Variants in BRI3 observed in about 807,000 individuals in gnomAD.
BRI3 encodes the protein brain protein I3, also known as membrane protein BRI3.
A neutral mutation model predicts 12.8 loss-of-function variants in BRI3; 6 were observed. That is an observed-to-expected ratio of 0.47 (90% CI 0.26 to 0.93). BRI3 has a LOEUF of 0.93. Among genes scored for constraint, BRI3 ranks in the 40% least tolerant of loss-of-function variants. The pLI, the probability that BRI3 is intolerant of heterozygous loss-of-function variation, is 0.15. For synonymous variants in BRI3, 91 were observed against 76.1 expected (o/e 1.20, Z -1.02); for missense variants, 134 against 171.1 (o/e 0.78, Z 1.21).
chr7:98,307,402 G>C, intron 1 of BRI3: 3 of 1,242,586 alleles, frequency 2.4e-6, no homozygotes, highest in Non-Finnish European at 3.1e-6. Flanking sequence ...CACTGCACTG[G>C]CCAAATGCTA....
At position 98,299,804 on chromosome 7, in the gene BRI3, G is replaced by T. The variant is rs909060647; in HGVS notation, c.72-6679G>T. ...GCCTATATTCCCAGCACTTTGGGAG[G>T]CTGAGGCGGGAGGATCACCTGAGAT... On this transcript the variant is annotated intron_variant and NMD_transcript_variant, in intron 1 of 2. Transcript: ENST00000491463. Among the ~76,000 whole-genome samples, 13 of 152,194 alleles carry T rather than the reference G, an allele frequency of 8.5e-5. 1 individual carries two copies. Among genetic ancestry groups the T allele is most frequent in the Admixed American group, 7.9e-4 (12 of 15,282 alleles).
chr7:98,282,341 C>T lies in BRI3; in HGVS notation c.143-10C>T. 1 of 1,610,380 alleles carries T rather than the reference C, an allele frequency of 6.2e-7. No individual in the cohort carries two copies. The highest frequency in any genetic ancestry group is 8.5e-7 in the Non-Finnish European group (1 of 1,176,714). ...CCCTGCACCCTAATGACCTGCTTTCCCGCCCACAGGGATACCCACCCACCA... is the reference window on the plus strand; with the variant it reads ...CCCTGCACCCTAATGACCTGCTTTCTCGCCCACAGGGATACCCACCCACCA... On this transcript the variant is annotated splice_polypyrimidine_tract_variant and intron_variant, in intron 1 of 2. Transcript: ENST00000297290.
chr7:98,303,827 T>C (rs568706571), upstream of BRI3, among the ~76,000 whole-genome samples: 1 of 152,332 alleles, frequency 6.6e-6, no homozygotes, highest in South Asian at 2.1e-4. Context: ...CCACTTTTAA[T>C]GTAAGCCTCT....
downstream of BRI3, chr7:98,312,331 C>T: frequency 6.7e-7 from 1 of 1,491,228 alleles, no homozygotes; most frequent in Non-Finnish European, 9.0e-7. Context: ...AAAATGACAT[C>T]ACGTCATATC....
At chr7:98,287,554 G>T (rs747764258) in intron 2 of BRI3, among the ~76,000 whole-genome samples, 1 of 152,212 alleles carries the variant, frequency 6.6e-6, no homozygotes, top group African/African-American at 2.4e-5. Flanking sequence ...GGGTGGGCTG[G>T]GCTGGCGCTG....
downstream of BRI3, among the ~76,000 whole-genome samples, chr7:98,311,061 C>CAT (rs147360057): frequency 0.025 from 3,748 of 152,226 alleles, 146 homozygotes; most frequent in African/African-American, 0.086. Flanking sequence ...CCAATCTCCA[C>CAT]AGAGCCCAGG....
chr7:98,308,491 GTGC>G (rs1290930577), exon 2 of BRI3: 7 of 363,766 alleles, frequency 1.9e-5, no homozygotes, highest in Non-Finnish European at 3.8e-5. Flanking sequence ...CAGGAGGAAG[GTGC>G]TGCTATTTAT....
intron 2 of BRI3, among the ~76,000 whole-genome samples, chr7:98,288,309 T>C (rs1799780276): frequency 6.6e-6 from 1 of 152,074 alleles, no homozygotes; most frequent in South Asian, 2.1e-4. Flanking sequence ...CCACCTCGAC[T>C]GTGTGGTCTT....
chr7:98,300,190 A>C lies in BRI3; in HGVS notation c.72-6293A>C, dbSNP rs1800362754. Reference sequence around the variant, plus strand: ...CATCTGTGCTGCTCGTCTCTGACACACACATGCTTGATCCATGATCCCTGC... The same window carrying C: ...CATCTGTGCTGCTCGTCTCTGACACCCACATGCTTGATCCATGATCCCTGC... On this transcript the variant is annotated intron_variant and NMD_transcript_variant, in intron 1 of 2. Coordinates refer to the BRI3 transcript ENST00000491463. Among the ~76,000 whole-genome samples, 3 of 152,158 alleles carry C rather than the reference A, an allele frequency of 2.0e-5. No individual in the cohort carries two copies. In the South Asian group the frequency reaches 6.2e-4, roughly 32 times the overall value.
At chr7:98,311,526 G>C (rs1158234158), downstream of BRI3, among the ~76,000 whole-genome samples, 1 of 151,602 alleles carries the variant, frequency 6.6e-6, no homozygotes, top group Non-Finnish European at 1.5e-5. Flanking sequence ...GAGTGACAGA[G>C]CAAGACTGTG....
chr7:98,285,573 G>A (rs995428742), intron 2 of BRI3, among the ~76,000 whole-genome samples: 3 of 152,192 alleles, frequency 2.0e-5, no homozygotes, highest in African/African-American at 4.8e-5. Context: ...GCAGACCTCG[G>A]TGCCCAAGTG....
downstream of BRI3, among the ~76,000 whole-genome samples, chr7:98,296,412 G>A (rs1321273569): frequency 2.6e-5 from 4 of 152,314 alleles, no homozygotes; most frequent in East Asian, 7.7e-4. Context: ...CATCACCTGA[G>A]GTCGGGAGTT....
At chr7:98,290,808 T>C (rs1025092663) in intron 2 of BRI3, among the ~76,000 whole-genome samples, 1 of 152,282 alleles carries the variant, frequency 6.6e-6, no homozygotes, top group Non-Finnish European at 1.5e-5. Context: ...GCCTTGCCTT[T>C]CAAGGTTAAC....
At chr7:98,297,058 CCAA>C (rs947546685), downstream of BRI3, among the ~76,000 whole-genome samples, 9 of 152,228 alleles carry the variant, frequency 5.9e-5, no homozygotes, top group Non-Finnish European at 1.0e-4. Context: ...TCCTGTGTCC[CCAA>C]CAAGACAGGA....
chr7:98,303,058 T>C (rs1800492792), upstream of BRI3, among the ~76,000 whole-genome samples: 1 of 152,200 alleles, frequency 6.6e-6, no homozygotes, highest in South Asian at 2.1e-4. Context: ...GTGTTGGAAT[T>C]ACACAGACAT....
At chr7:98,320,572 G>C in the BRI3 span, among the ~76,000 whole-genome samples, 1 of 152,148 alleles carries the variant, frequency 6.6e-6, no homozygotes, top group East Asian at 1.9e-4. Flanking sequence ...CTAACCTCAG[G>C]TGATCAACTG....
At chr7:98,290,336 C>T (rs559642455) in intron 2 of BRI3, among the ~76,000 whole-genome samples, 1 of 151,942 alleles carries the variant, frequency 6.6e-6, no homozygotes, top group Non-Finnish European at 1.5e-5. Context: ...GCTGGGACTA[C>T]AGGCGCCCGC....
chr7:98,304,883 G>C (rs1042034780), upstream of BRI3, among the ~76,000 whole-genome samples: 1 of 82,198 alleles, frequency 1.2e-5, no homozygotes, highest in African/African-American at 3.9e-5. Flanking sequence ...TTTTTTTTTT[G>C]AGATGGGGTT....
In BRI3 at chr7:98,291,154, C is replaced by T. The variant is rs11539230; in HGVS notation, c.289C>T (p.Leu97=). ...CTGCTTCACCTTCCTGGGCATCTTC[C>T]TGGCCATCATCCTCTTCCCCTTTGG... ...EDCFTFLGIF[L]AIILFPFGFI... is the part of the protein sequence containing the mutation. Residue 97 remains leucine, a synonymous_variant, in exon 3 of 3, where the codon CTG becomes TTG. Coordinates refer to ENST00000297290, the MANE Select transcript of BRI3 (RefSeq NM_015379.5). 2 of 1,614,174 alleles carry T rather than the reference C, an allele frequency of 1.2e-6. No individual in the cohort carries two copies. The highest frequency in any genetic ancestry group is 1.7e-6 in the Non-Finnish European group (2 of 1,180,026).
Sources: gnomAD v4.1 joint callset for allele counts (sites outside exome capture counted in the v4.1 genomes callset) on GRCh38, gnomAD v4.1.1 for gene constraint, MANE v1.5 for transcripts, NCBI Gene and HGNC (gene_info 2026-07-23, HGNC 2026-07-21) for gene names.